The following SMURF2 variants were observed in gnomAD, a reference collection of about 807,000 sequenced individuals.
SMURF2 encodes SMAD specific E3 ubiquitin protein ligase 2, also known as E3 ubiquitin-protein ligase SMURF2.
SMURF2 carries 48 observed loss-of-function variants against 109.6 expected under a neutral mutation model. That is an observed-to-expected ratio of 0.44 (90% CI 0.35 to 0.56). SMURF2 has a LOEUF of 0.56. SMURF2 is among the 20% of genes least tolerant of loss of function. The probability of loss-of-function intolerance (pLI) is 0.01; values close to 1 mark genes in which losing one functional copy is unlikely to be tolerated. For synonymous variants in SMURF2, 288 were observed against 317.1 expected (o/e 0.91, Z 0.97); for missense variants, 575 against 909.0 (o/e 0.63, Z 4.72).
chr17:64,586,683 G>T lies in SMURF2; in HGVS notation c.401-513C>A, dbSNP rs188857192. Reference sequence around the variant, plus strand: ...GGAGAATCGCTTGAACCTGGGAGGCGGAGCTTGCAGTGAGCTGAGATCGCG... The same window carrying T: ...GGAGAATCGCTTGAACCTGGGAGGCTGAGCTTGCAGTGAGCTGAGATCGCG... On this transcript the variant is annotated intron_variant, in intron 5 of 18. Transcript: ENST00000262435. 1.6e-3 allele frequency among the ~76,000 whole-genome samples: 235 copies of T among 146,286 alleles called. 1 individual carries two copies. The highest frequency in any genetic ancestry group is 3.5e-3 in the Admixed American group (52 of 14,732).
chr17:64,658,963 C>T (rs1222107565), intron 1 of SMURF2, among the ~76,000 whole-genome samples: 1 of 152,146 alleles, frequency 6.6e-6, no homozygotes, highest in East Asian at 1.9e-4. Flanking sequence ...GATTCTAACC[C>T]CCAACTGCCT....
intron 1 of SMURF2, among the ~76,000 whole-genome samples, chr17:64,614,698 G>C (rs1220334046): frequency 1.3e-5 from 2 of 152,276 alleles, no homozygotes; most frequent in East Asian, 3.9e-4. Context: ...ATCATCTTGA[G>C]ATACTTAGGG....
At chr17:64,641,373 A>G (rs954296344) in intron 1 of SMURF2, among the ~76,000 whole-genome samples, 1 of 152,214 alleles carries the variant, frequency 6.6e-6, no homozygotes, top group Admixed American at 6.5e-5. Context: ...AAAAAGTAGC[A>G]GCACCTGCTG....
chr17:64,622,425 C>T (rs1046653878), intron 1 of SMURF2, among the ~76,000 whole-genome samples: 3 of 152,066 alleles, frequency 2.0e-5, no homozygotes, highest in South Asian at 2.1e-4. Flanking sequence ...TGTAGAACAC[C>T]GTAATACATT....
At chr17:64,598,198 T>C (rs1327505443) in intron 3 of SMURF2, among the ~76,000 whole-genome samples, 184 bp downstream of exon 3, 1 of 152,240 alleles carries the variant, frequency 6.6e-6, no homozygotes, top group Admixed American at 6.5e-5. Flanking sequence ...ATTTTAGAGA[T>C]ACCTCATCTT....
intron 1 of SMURF2, among the ~76,000 whole-genome samples, chr17:64,654,658 C>T (rs1970682513): frequency 6.6e-6 from 1 of 151,978 alleles, no homozygotes; most frequent in African/African-American, 2.4e-5. Context: ...GGAGAAACCC[C>T]ATCTCTACTA....
At chr17:64,552,970 C>G (rs1333634772) in intron 15 of SMURF2, among the ~76,000 whole-genome samples, 1 of 152,262 alleles carries the variant, frequency 6.6e-6, no homozygotes, top group East Asian at 1.9e-4. Flanking sequence ...TCCCAAAATG[C>G]TGGGAATACA....
intron 6 of SMURF2, among the ~76,000 whole-genome samples, chr17:64,584,361 C>CTTTTTTTTTTTTTTTTTTTTTTTT (rs372682588): frequency 1.3e-4 from 15 of 112,750 alleles, no homozygotes; most frequent in African/African-American, 4.5e-4. Flanking sequence ...CTTTTTTTTT[C>CTTTTTTTTTTTTTTTTTTTTTTTT]TTTTTTTTTT....
rs543600362 is a variant in SMURF2, at chr17:64,619,206, C to T, written c.53-12566G>A. On this transcript the variant is annotated intron_variant, in intron 1 of 18. Transcript: ENST00000262435. ...CATTAAAAAAGAACATGGCCGGGCA[C>T]GGTGGCTCATGCCTGTAATACTAAC... Among the ~76,000 whole-genome samples the T allele has an allele frequency of 1.9e-4, 29 of 152,104 alleles. No homozygotes were observed. In the South Asian group the frequency reaches 6.0e-3, roughly 32 times the overall value.
At chr17:64,555,781 C>A in intron 14 of SMURF2, 39 bp downstream of exon 14, 1 of 1,377,504 alleles carries the variant, frequency 7.3e-7, no homozygotes, top group South Asian at 1.6e-5. Flanking sequence ...TTTTAAAGCT[C>A]AGAGTTTATA....
At chr17:64,552,835 C>A (rs955097467) in intron 15 of SMURF2, among the ~76,000 whole-genome samples, 17 of 152,232 alleles carry the variant, frequency 1.1e-4, no homozygotes, top group Admixed American at 1.1e-3. Flanking sequence ...TCCAAAGTAG[C>A]TGGGATTACA....
intron 9 of SMURF2, among the ~76,000 whole-genome samples, chr17:64,577,523 T>C (rs1185809418): frequency 6.6e-6 from 1 of 150,578 alleles, no homozygotes; most frequent in East Asian, 1.9e-4. Context: ...CTGCACGTTG[T>C]GAACATATAC....
In SMURF2 at chr17:64,580,837, T is replaced by C. The variant is rs782155333; in HGVS notation, c.724A>G (p.Met242Val). The change falls in exon 8 of 19, where the codon ATG becomes GTG. Residue 242 changes from methionine to valine, a missense_variant. Coordinates refer to ENST00000262435, the MANE Select transcript of SMURF2 (RefSeq NM_022739.4). ...GGAGTATGTAAATGTGTTCTGCTCA[T>C]GTAATTTCTATGTCGTTGTGACCTG... ...RVRSQRHRNY[M>V]SRTHLHTPPD... 6.2e-7 allele frequency: 1 copy of C among 1,614,216 alleles called. No homozygotes were observed. Among genetic ancestry groups the C allele is most frequent in the Non-Finnish European group, 8.5e-7 (1 of 1,180,024 alleles).
At chr17:64,582,015 G>C (rs1017268618) in intron 7 of SMURF2, among the ~76,000 whole-genome samples, 29 of 151,698 alleles carry the variant, frequency 1.9e-4, no homozygotes, top group Admixed American at 1.7e-3. Flanking sequence ...TATACATGTA[G>C]AAATTCAAGC....
At chr17:64,562,121 C>T (rs1969228253) in intron 11 of SMURF2, among the ~76,000 whole-genome samples, 4 of 151,534 alleles carry the variant, frequency 2.6e-5, no homozygotes, top group Admixed American at 2.6e-4. Context: ...GGTGAAACCC[C>T]ATCTCTACTA....
At chr17:64,631,071 G>A (rs77152076) in intron 1 of SMURF2, among the ~76,000 whole-genome samples, 7,591 of 151,764 alleles carry the variant, frequency 0.05, 316 homozygotes, top group Admixed American at 0.14. Flanking sequence ...GGAGGCCAAC[G>A]CAGGAGGATC....
chr17:64,656,426 T>C (rs1970706295), intron 1 of SMURF2, among the ~76,000 whole-genome samples: 1 of 152,186 alleles, frequency 6.6e-6, no homozygotes, highest in African/African-American at 2.4e-5. Flanking sequence ...CAGGAAAATA[T>C]TCTGCTTCAC....
chr17:64,635,316 G>GT (rs1555691992), intron 1 of SMURF2, among the ~76,000 whole-genome samples: 1 of 152,132 alleles, frequency 6.6e-6, no homozygotes, highest in African/African-American at 2.4e-5. Flanking sequence ...GACAGAGCGA[G>GT]ACTAGGTCTC....
chr17:64,558,940 T>G (rs1478398114), intron 12 of SMURF2, among the ~76,000 whole-genome samples: 1 of 152,184 alleles, frequency 6.6e-6, no homozygotes, highest in East Asian at 1.9e-4. Context: ...AAATGCAGAA[T>G]AGTATTAAAA....
Sources: allele counts gnomAD v4.1 joint callset (sites outside exome capture counted in the v4.1 genomes callset), GRCh38; gene constraint gnomAD v4.1.1; transcripts MANE v1.5; gene names NCBI Gene and HGNC (gene_info 2026-07-23, HGNC 2026-07-21).